The following RAB10 variants were observed in gnomAD, a reference collection of about 807,000 sequenced individuals.
RAB10 encodes the protein ras-related protein Rab-10.
RAB10 carries 5 observed loss-of-function variants against 25.7 expected under a neutral mutation model. That is an observed-to-expected ratio of 0.19 (90% confidence interval 0.10 to 0.41). RAB10 has a LOEUF of 0.41. Among genes scored for constraint, RAB10 ranks in the 10% least tolerant of loss-of-function variants. The pLI is 1.00. For missense variants in RAB10, 103 were observed against 245.8 expected, an observed-to-expected ratio of 0.42 and a Z score of 3.89; for synonymous variants, 89 against 86.4, an observed-to-expected ratio of 1.03 and a Z score of -0.16.
Position 26,129,104 on chromosome 2 carries a change from T to G in RAB10, c.519+1153T>G, listed in dbSNP as rs542479081. On this transcript the variant is annotated intron_variant, in intron 5 of 5. Coordinates refer to ENST00000264710, the MANE Select transcript of RAB10 (RefSeq NM_016131.5). The stretch of plus-strand genomic sequence containing the variant: ...GGCCAACACGGTGAAACCCCATCTG[T>G]ACTAAAAATACAAAAATTAGCTGGG... Among the ~76,000 whole-genome samples the G allele has an allele frequency of 2.0e-5, 3 of 151,998 alleles. No homozygotes were observed. The South Asian group carries it at 6.2e-4, about 32-fold the overall frequency.
At chr2:26,110,213 C>T (rs1667541436) in intron 3 of RAB10, among the ~76,000 whole-genome samples, 1 of 151,788 alleles carries the variant, frequency 6.6e-6, no homozygotes, top group African/African-American at 2.4e-5. Context: ...TGATGTGCAC[C>T]TGTCGTCCCA....
At chr2:26,043,403 A>G (rs1052837942) in intron 1 of RAB10, among the ~76,000 whole-genome samples, 9 of 152,204 alleles carry the variant, frequency 5.9e-5, no homozygotes, top group Admixed American at 3.9e-4. Flanking sequence ...AGCCTGGATG[A>G]CAGAGCAAGA....
intron 2 of RAB10, among the ~76,000 whole-genome samples, chr2:26,109,206 G>A (rs2149283772): frequency 6.6e-6 from 1 of 152,164 alleles, no homozygotes; most frequent in Admixed American, 6.6e-5. Context: ...CACTGCGCCC[G>A]ACCTTATTTT....
intron 1 of RAB10, 33 bp downstream of exon 1, chr2:26,034,768 G>C (rs771684544): frequency 4.3e-6 from 7 of 1,613,018 alleles, no homozygotes; most frequent in Non-Finnish European, 5.9e-6. Flanking sequence ...GTACGGTCTC[G>C]GTAGCTGCAT....
Position 26,137,025 on chromosome 2 carries a change from T to A in RAB10, c.*2004T>A, listed in dbSNP as rs1219366758. ...ATCTGGAATGTGGCATTAGCTTTTT[T>A]ATTTTAACCCTCTTTAATTCTTATT... On this transcript the variant is annotated 3_prime_UTR_variant, in exon 6 of 6. Coordinates refer to ENST00000264710, the MANE Select transcript of RAB10 (RefSeq NM_016131.5). The A allele has an allele frequency of 6.5e-6, 1 of 152,680 alleles. No individual in the cohort carries two copies. The highest frequency in any genetic ancestry group is 1.9e-4 in the East Asian group (1 of 5,204). 9.5% of individuals were successfully genotyped at this position (152,680 alleles called of 1,614,324 possible).
chr2:26,127,780 A>T, intron 4 of RAB10, 70 bp from the exon 5 acceptor site: 1 of 1,045,080 alleles, frequency 9.6e-7, no homozygotes, highest in Non-Finnish European at 1.5e-6. Context: ...ATTAATATTT[A>T]AGCTGTTAAA....
At chr2:26,111,096 T>C (rs562897222) in intron 3 of RAB10, among the ~76,000 whole-genome samples, 86 of 152,332 alleles carry the variant, frequency 5.6e-4, no homozygotes, top group African/African-American at 1.9e-3. Flanking sequence ...GAGTTGTTTT[T>C]CATGCCTTAT....
At chr2:26,039,796 T>A (rs1665843945) in intron 1 of RAB10, among the ~76,000 whole-genome samples, 1 of 151,856 alleles carries the variant, frequency 6.6e-6, no homozygotes, top group African/African-American at 2.4e-5. Context: ...GAGGATTGCT[T>A]GGGCCCAAGA....
intron 1 of RAB10, among the ~76,000 whole-genome samples, chr2:26,066,777 AT>A (rs3065544): frequency 5.1e-4 from 56 of 110,228 alleles, no homozygotes; most frequent in Non-Finnish European, 9.2e-4. Flanking sequence ...CATGCCATCA[AT>A]TTTTTTTTTT....
chr2:26,136,599 C>G lies in RAB10; in HGVS notation c.*1578C>G, dbSNP rs1668118207. ...TGAAGTTTGCTATGCTGCTAGCATC[C>G]TAAGATGATACCTTTGTTGAAAGAA... On this transcript the variant is annotated 3_prime_UTR_variant, in exon 6 of 6. Transcript: ENST00000264710. 6.6e-6 allele frequency: 1 copy of G among 152,582 alleles called. No homozygotes were observed. Among genetic ancestry groups the G allele is most frequent in the Admixed American group, 6.5e-5 (1 of 15,268 alleles). 9.5% of individuals were successfully genotyped at this position (152,582 alleles called of 1,614,324 possible). A position where few individuals can be genotyped will look rare whatever the true frequency, so the allele number is the denominator to read the frequency against.
At chr2:26,060,076 C>A (rs905067349) in intron 1 of RAB10, among the ~76,000 whole-genome samples, 8 of 152,050 alleles carry the variant, frequency 5.3e-5, no homozygotes, top group African/African-American at 1.9e-4. Flanking sequence ...TAATGCCAGT[C>A]TTTTAAAATC....
intron 1 of RAB10, among the ~76,000 whole-genome samples, chr2:26,047,758 T>C (rs1241628800): frequency 1.8e-5 from 2 of 111,342 alleles, no homozygotes; most frequent in African/African-American, 6.9e-5. Context: ...GAGTCTCACT[T>C]TGTTGCCCAG....
rs34334774 is a variant in RAB10 at position 26,079,324 on chromosome 2, AACACACACACAC to A, written c.128-19319_128-19308del. 4.3e-5 allele frequency among the ~76,000 whole-genome samples: 4 copies of A among 92,592 alleles called. No homozygotes were observed. The Admixed American group carries it at 4.7e-4, about 11-fold the overall frequency. The allele number at this position is 92,592 out of a possible 152,430, so 60.7% of individuals were successfully genotyped here. A position where few individuals can be genotyped will look rare whatever the true frequency, so the allele number is the denominator to read the frequency against. ...AGCAAGTTTGAAACACACACACACA[AACACACACACAC>A]ACACACACACACACACACTATATAC... On this transcript the variant is annotated intron_variant, in intron 1 of 5. Coordinates refer to ENST00000264710, the MANE Select transcript of RAB10 (RefSeq NM_016131.5).
chr2:26,088,211 G>A (rs2149276380), intron 1 of RAB10, among the ~76,000 whole-genome samples: 1 of 152,306 alleles, frequency 6.6e-6, no homozygotes, highest in South Asian at 2.1e-4. Context: ...CTGGAAAACT[G>A]ATAGAGTGGC....
intron 3 of RAB10, among the ~76,000 whole-genome samples, chr2:26,122,931 T>A (rs1330468677): frequency 6.6e-6 from 1 of 151,392 alleles, no homozygotes; most frequent in Non-Finnish European, 1.5e-5. Context: ...AGGACATGAG[T>A]GTTAGGAAAA....
rs1021160891 is a variant in RAB10, at chr2:26,135,340, A to G, written c.*319A>G. The G allele has an allele frequency of 6.1e-5, 13 of 212,214 alleles. No homozygotes were observed. Among genetic ancestry groups the G allele is most frequent in the East Asian group, 4.1e-4 (4 of 9,784 alleles). The allele number at this position is 212,214 out of a possible 1,614,324, so 13.1% of individuals were successfully genotyped here. A position where few individuals can be genotyped will look rare whatever the true frequency, so the allele number is the denominator to read the frequency against. On this transcript the variant is annotated 3_prime_UTR_variant, in exon 6 of 6. Coordinates refer to ENST00000264710, the MANE Select transcript of RAB10 (RefSeq NM_016131.5). ...AACCTATAGCAATCATTTCAAATCT[A>G]TTCTGCAAATTGTATAAGAATAAAG...
chr2:26,117,216 T>G (rs911597944), intron 3 of RAB10, among the ~76,000 whole-genome samples: 1 of 152,176 alleles, frequency 6.6e-6, no homozygotes, highest in South Asian at 2.1e-4. Flanking sequence ...TGAAACTTGT[T>G]GAGGTGAAAC....
At chr2:26,120,846 T>A (rs1239573468) in intron 3 of RAB10, among the ~76,000 whole-genome samples, 1 of 152,132 alleles carries the variant, frequency 6.6e-6, no homozygotes, top group Non-Finnish European at 1.5e-5. Context: ...CGCCTCGGCC[T>A]CCCAAAATGC....
chr2:26,108,942 C>T (rs1185633721), intron 2 of RAB10, among the ~76,000 whole-genome samples: 5 of 151,682 alleles, frequency 3.3e-5, no homozygotes, highest in African/African-American at 7.3e-5. Context: ...GACGGAGTCT[C>T]GCTCTGTCAC....
Sources: allele counts gnomAD v4.1 joint callset (sites outside exome capture counted in the v4.1 genomes callset), GRCh38; gene constraint gnomAD v4.1.1; transcripts MANE v1.5; gene names NCBI Gene and HGNC (gene_info 2026-07-23, HGNC 2026-07-21).